Variants in KMT5B observed in about 807,000 individuals in gnomAD.
KMT5B encodes the protein lysine methyltransferase 5B.
Under a neutral mutation model 83.2 loss-of-function variants are expected in KMT5B, and 10 were observed. The ratio of observed to expected loss-of-function variants is 0.12; its 90% CI spans 0.07 to 0.20. The LOEUF (loss-of-function observed/expected upper bound fraction) is 0.20. KMT5B is among the 10% of genes least tolerant of loss of function. The pLI, the probability that KMT5B is intolerant of heterozygous loss-of-function variation, is 1.00. For synonymous variants in KMT5B, 349 were observed against 388.8 expected, an observed-to-expected ratio of 0.90 and a Z score of 1.20; for missense variants, 753 against 1,067.2, an observed-to-expected ratio of 0.71 and a Z score of 4.10.
chr11:68,188,856 G>A (rs1236152236), intron 2 of KMT5B, among the ~76,000 whole-genome samples: 2 of 152,126 alleles, frequency 1.3e-5, no homozygotes, highest in East Asian at 3.9e-4. Flanking sequence ...TAAGGAGTGA[G>A]GCAGGATGAG....
rs188627113 is a variant in KMT5B at position 68,185,895 on chromosome 11, C to T, written c.194G>A (p.Arg65His). 2 of 1,609,036 alleles carry T rather than the reference C, an allele frequency of 1.2e-6. No homozygotes were observed. Among genetic ancestry groups the T allele is most frequent in the Non-Finnish European group, 1.7e-6 (2 of 1,178,126 alleles). The change falls in exon 3 of 11, where the codon CGC (arginine) becomes CAC (histidine). Residue 65 changes from arginine to histidine, a missense_variant. By Grantham distance (29) the Arg-to-His change is conservative. Around this residue, in one of 9 missense-constraint regions of KMT5B, gnomAD observed 56 missense variants for 91.4 expected, o/e 0.61. Coordinates refer to ENST00000304363, the MANE Select transcript of KMT5B (RefSeq NM_017635.5). ...GGACATTCCAGAGGATGGTACATAG[C>T]GACTCTGTCCTTCAAATCCCGAGTT... ...NGNSGFEGQS[R>H]YVPSSGMSAK...
chr11:68,194,248 T>G (rs2153076954), intron 1 of KMT5B, among the ~76,000 whole-genome samples: 1 of 149,858 alleles, frequency 6.7e-6, no homozygotes, highest in East Asian at 2.0e-4. Flanking sequence ...TGGAGTGCAG[T>G]GTCCACGATC....
intron 3 of KMT5B, among the ~76,000 whole-genome samples, chr11:68,183,655 A>G (rs992987655): frequency 6.9e-6 from 1 of 144,580 alleles, no homozygotes; most frequent in Non-Finnish European, 1.5e-5. Context: ...TACCATGCCC[A>G]GTCCTGTATC....
chr11:68,193,568 A>AT (rs932313616), intron 1 of KMT5B, among the ~76,000 whole-genome samples: 1 of 151,908 alleles, frequency 6.6e-6, no homozygotes, highest in Admixed American at 6.6e-5. Flanking sequence ...TCTAACATGA[A>AT]TTTTTTTTCT....
rs1313564298 is a variant in KMT5B at position 68,174,771 on chromosome 11, G to A, written c.543+247C>T. On this transcript the variant is annotated intron_variant, in intron 5 of 10. Coordinates refer to ENST00000304363, the MANE Select transcript of KMT5B (RefSeq NM_017635.5). ...TTGCCCAGGCTGGTCTCGAAGTCCT[G>A]GCCTCAAGCAATACTCCCATCTTAG... Among the ~76,000 whole-genome samples, 3 of 151,856 alleles carry A rather than the reference G, an allele frequency of 2.0e-5. No individual in the cohort carries two copies. In the South Asian group the frequency reaches 6.2e-4, roughly 32 times the overall value.
At chr11:68,160,816 A>C (rs1854793343) in intron 10 of KMT5B, among the ~76,000 whole-genome samples, 2 of 152,108 alleles carry the variant, frequency 1.3e-5, no homozygotes, top group African/African-American at 4.8e-5. Context: ...GCACGGTGGT[A>C]CGTGCCTGTA....
At chr11:68,189,810 G>A in intron 2 of KMT5B, 107 bp downstream of exon 2, 1 of 1,163,308 alleles carries the variant, frequency 8.6e-7, no homozygotes, top group African/African-American at 1.6e-5. Flanking sequence ...TTATGAAAAT[G>A]CAAAAAATTA....
chr11:68,210,795 A>G (rs1860798581), intron 1 of KMT5B, among the ~76,000 whole-genome samples: 1 of 152,176 alleles, frequency 6.6e-6, no homozygotes, highest in Admixed American at 6.5e-5. Flanking sequence ...CCCTATCGTC[A>G]AAAGTGTGAG....
chr11:68,192,655 C>G (rs1236493230), intron 1 of KMT5B, among the ~76,000 whole-genome samples: 2 of 152,300 alleles, frequency 1.3e-5, no homozygotes, highest in East Asian at 1.9e-4. Flanking sequence ...GGCATCTATA[C>G]TAAGCTTTGT....
At chr11:68,188,606 G>A (rs886140493) in intron 2 of KMT5B, among the ~76,000 whole-genome samples, 7 of 151,820 alleles carry the variant, frequency 4.6e-5, no homozygotes, top group African/African-American at 1.5e-4. Context: ...AGATCCATTC[G>A]CCTTGGACTC....
At chr11:68,209,451 G>A (rs1373681202) in intron 1 of KMT5B, among the ~76,000 whole-genome samples, 1 of 152,198 alleles carries the variant, frequency 6.6e-6, no homozygotes, top group African/African-American at 2.4e-5. Context: ...TACAGACTAG[G>A]AAGCAGAATG....
intron 1 of KMT5B, among the ~76,000 whole-genome samples, chr11:68,191,173 TTGTGTGTGTGTGTGTGTG>T (rs71040600): frequency 1.4e-5 from 2 of 139,170 alleles, no homozygotes; most frequent in Non-Finnish European, 3.1e-5. Flanking sequence ...TTTTAAAACT[TTGTGTGTGTGTGTGTGTG>T]TGTGTGTGTG....
chr11:68,191,844 C>T (rs565595070), intron 1 of KMT5B, among the ~76,000 whole-genome samples: 7 of 152,312 alleles, frequency 4.6e-5, no homozygotes, highest in South Asian at 2.1e-4. Flanking sequence ...ACTAGGTCTA[C>T]GCAATTACTC....
chr11:68,178,286 C>T (rs1444131728), intron 4 of KMT5B, among the ~76,000 whole-genome samples: 1 of 152,182 alleles, frequency 6.6e-6, no homozygotes, highest in Admixed American at 6.5e-5. Context: ...CTTTCTGAAA[C>T]AAGTTCATTC....
At chr11:68,166,017 A>C in intron 10 of KMT5B, 3 of 1,612,024 alleles carry the variant, frequency 1.9e-6, no homozygotes, top group Non-Finnish European at 2.5e-6. Flanking sequence ...ACCTAAAATA[A>C]TCAGTATCTC....
intron 1 of KMT5B, among the ~76,000 whole-genome samples, chr11:68,191,307 T>TG (rs34904604): frequency 0.032 from 4,850 of 151,978 alleles, 104 homozygotes; most frequent in Non-Finnish European, 0.052. Context: ...ATTACAGGCA[T>TG]GAGCCACTGT....
At chr11:68,201,471 G>A (rs992479249) in intron 1 of KMT5B, among the ~76,000 whole-genome samples, 1 of 151,998 alleles carries the variant, frequency 6.6e-6, no homozygotes. Context: ...ATTATAAATT[G>A]TTGAGTGACT....
At chr11:68,204,611 G>GTTTTTTTTTTTTTTTTTT (rs34315868) in intron 1 of KMT5B, among the ~76,000 whole-genome samples, 1 of 106,150 alleles carries the variant, frequency 9.4e-6, no homozygotes, top group Non-Finnish European at 1.8e-5. Flanking sequence ...TAAATTTCCG[G>GTTTTTTTTTTTTTTTTTT]TTTTTTTTTT....
At chr11:68,198,499 G>A (rs555636878) in intron 1 of KMT5B, among the ~76,000 whole-genome samples, 4 of 149,028 alleles carry the variant, frequency 2.7e-5, no homozygotes, top group African/African-American at 1.0e-4. Flanking sequence ...AGACAAGACA[G>A]GGCGGCTAGC....
Sources: allele counts gnomAD v4.1 joint callset (sites outside exome capture counted in the v4.1 genomes callset), GRCh38; gene constraint gnomAD v4.1.1; regional missense constraint gnomAD v4.1.1; transcripts MANE v1.5; gene names NCBI Gene and HGNC (gene_info 2026-07-23, HGNC 2026-07-21).